The following LCN9 variants were observed in gnomAD, a reference collection of about 807,000 sequenced individuals.
The protein encoded by LCN9 is epididymal-specific lipocalin-9.
In LCN9, 22 loss-of-function variants were observed where a neutral mutation model predicts 18.5. The observed-to-expected ratio is 1.19, with a 90% CI of 0.85 to 1.70. The LOEUF is 1.70. LCN9 is among the 40% of genes most tolerant of loss of function. LCN9 has a pLI of 0.00. For synonymous variants in LCN9, 89 were observed against 83.0 expected (o/e 1.07, Z -0.39); for missense variants, 202 against 201.3 (o/e 1.00, Z -0.02).
At position 135,664,526 on chromosome 9, in the gene LCN9, C is replaced by T. The variant is rs1225625122; in HGVS notation, c.234-196C>T. Among the ~76,000 whole-genome samples, 1 of 152,028 alleles carries T rather than the reference C, an allele frequency of 6.6e-6. No individual in the cohort carries two copies. Among genetic ancestry groups the T allele is most frequent in the Non-Finnish European group, 1.5e-5 (1 of 67,998 alleles). On this transcript the variant is annotated intron_variant, in intron 2 of 5. Coordinates refer to ENST00000619315, the Ensembl canonical transcript of LCN9. The surrounding 1 kb of genome is among the most constrained non-coding windows in gnomAD (Gnocchi z 4.5). ...ACATAGAGATGAAATCGCCCCCTTC[C>T]AAGGCTGGGGTGAGGTTCGAGGAGA...
At position 135,664,326 on chromosome 9, in the gene LCN9, C is replaced by A. The variant is rs755446871; in HGVS notation, c.233+28C>A. 4 of 1,613,102 alleles carry A rather than the reference C, an allele frequency of 2.5e-6. No homozygotes were observed. Among genetic ancestry groups the A allele is most frequent in the South Asian group, 1.1e-5 (1 of 91,060 alleles). ...GCGTGTTGCCCATCTCAGCTGGCATCAGGAAGACCCATGCCCCTGCCACCC... is the reference window on the plus strand; with the variant it reads ...GCGTGTTGCCCATCTCAGCTGGCATAAGGAAGACCCATGCCCCTGCCACCC... On this transcript the variant is annotated intron_variant, in intron 2 of 5. Transcript: ENST00000619315. The surrounding 1 kb of genome is among the most constrained non-coding windows in gnomAD (Gnocchi z 4.5).
chr9:135,665,473 T>C lies in LCN9; in HGVS notation c.418+118T>C. ...CTGGGGTTTGGAGAGGTGGTTCCCG[T>C]TGGCTATTCCTTCCCACAGACACAC... On this transcript the variant is annotated intron_variant, in intron 4 of 5. Transcript: ENST00000619315. This position sits in a 1 kb window ranked among gnomAD's most constrained non-coding sequence, Gnocchi z 5.9. 3 of 910,056 alleles carry C rather than the reference T, an allele frequency of 3.3e-6. No homozygotes were observed. The highest frequency in any genetic ancestry group is 1.7e-6 in the Non-Finnish European group (1 of 579,634). 56.4% of individuals were successfully genotyped at this position (910,056 alleles called of 1,614,324 possible).
At chr9:135,663,611 G>A (rs1025452471) in intron 1 of LCN9, among the ~76,000 whole-genome samples, 194 bp downstream of exon 1, 14 of 151,964 alleles carry the variant, frequency 9.2e-5, no homozygotes, top group Non-Finnish European at 1.9e-4. Context: ...CTGGGAGAGT[G>A]ACTGGGGCCC....
rs1303836992 is a variant in LCN9 at position 135,665,754 on chromosome 9, T to A, written c.*9+2T>A. The A allele has an allele frequency of 1.2e-6, 2 of 1,613,332 alleles. No homozygotes were observed. The highest frequency in any genetic ancestry group is 1.7e-5 in the Admixed American group (1 of 59,918). On this transcript the variant is annotated splice_donor_variant, in intron 5 of 5. Transcript: ENST00000619315. LOFTEE classifies it low-confidence loss of function (3UTR_SPLICE). This position sits in a 1 kb window ranked among gnomAD's most constrained non-coding sequence, Gnocchi z 5.9. ...ATATCATCGACTTGACCAACAAAGG[T>A]CAGCCCCACTGCTCCCGGACCAAGC...
At chr9:135,666,377 A>C in exon 6 of LCN9, 1 of 481,044 alleles carries the variant, frequency 2.1e-6, no homozygotes, top group Non-Finnish European at 3.7e-6. Flanking sequence ...TCTTCTAAGG[A>C]CACTTGTCAT....
chr9:135,665,233 G>A lies in LCN9; in HGVS notation c.308-12G>A, dbSNP rs1170206246. ...GCGGGGCCAGGCCACGCTGAGCCAT[G>A]TCTCCACGCAGATGAGGGCCAGAAC... On this transcript the variant is annotated splice_polypyrimidine_tract_variant and intron_variant, in intron 3 of 5. Transcript: ENST00000619315. This position sits in a 1 kb window ranked among gnomAD's most constrained non-coding sequence, Gnocchi z 5.9. The A allele has an allele frequency of 1.9e-6, 3 of 1,561,344 alleles. No homozygotes were observed. Among genetic ancestry groups the A allele is most frequent in the Non-Finnish European group, 2.6e-6 (3 of 1,146,900 alleles).
rs1834185160 is a variant in LCN9, at chr9:135,664,594, T to C, written c.234-128T>C. On this transcript the variant is annotated intron_variant, in intron 2 of 5. Transcript: ENST00000619315. This position sits in a 1 kb window ranked among gnomAD's most constrained non-coding sequence, Gnocchi z 4.5. ...CTGCAGCAGGGCCCAGCCCAAGAAC[T>C]TGGGGCTGTGGAATGAGGCCTGGGC... The C allele has an allele frequency of 1.1e-6, 1 of 889,544 alleles. No homozygotes were observed. Among genetic ancestry groups the C allele is most frequent in the Non-Finnish European group, 1.7e-6 (1 of 592,146 alleles). 55.1% of individuals were successfully genotyped at this position (889,544 alleles called of 1,614,324 possible). A position where few individuals can be genotyped will look rare whatever the true frequency, so the allele number is the denominator to read the frequency against.
In LCN9 at chr9:135,665,552, G is replaced by A. The variant is rs1417713534; in HGVS notation, c.419-136G>A. On this transcript the variant is annotated intron_variant, in intron 4 of 5. Transcript: ENST00000619315. The surrounding 1 kb of genome is among the most constrained non-coding windows in gnomAD (Gnocchi z 5.9). ...CACCTCCCATCTCACTTGGCACAAA[G>A]CCCCTCTCTGGTCAGGGCGTGACCC... 31 of 904,856 alleles carry A rather than the reference G, an allele frequency of 3.4e-5. No homozygotes were observed. Among genetic ancestry groups the A allele is most frequent in the Non-Finnish European group, 4.8e-5 (28 of 582,078 alleles). 56.1% of individuals were successfully genotyped at this position (904,856 alleles called of 1,614,324 possible).
rs923998251 is a variant in LCN9, at chr9:135,664,164, T to C, written c.99T>C (p.Val33=). The change falls in exon 2 of 6, where the codon GTT becomes GTC. Residue 33 remains valine, a splice_region_variant and synonymous_variant. Transcript: ENST00000619315. The surrounding 1 kb of genome is among the most constrained non-coding windows in gnomAD (Gnocchi z 4.5). ...CCACTGGAGCTCTTTGTCTTCAGGT[T>C]TCAGGGGTCTGGTATTCTATTTTCA... is the stretch of plus-strand genomic sequence containing the variant. 1 of 1,613,290 alleles carries C rather than the reference T, an allele frequency of 6.2e-7. No homozygotes were observed. Among genetic ancestry groups the C allele is most frequent in the African/African-American group, 1.3e-5 (1 of 74,824 alleles).
Position 135,665,268 on chromosome 9 carries a change from G to A in LCN9, c.331G>A (p.Val111Ile), listed in dbSNP as rs148957462. 301 of 1,600,620 alleles carry A rather than the reference G, an allele frequency of 1.9e-4. 1 individual carries two copies. The highest frequency in any genetic ancestry group is 1.7e-3 in the African/African-American group (127 of 74,732). Reference sequence around the variant, plus strand: ...AGATGAGGGCCAGAACACAGTGGCCGTCTCGGAGACTGACTACAGGCTGTT... The same window carrying A: ...AGATGAGGGCCAGAACACAGTGGCCATCTCGGAGACTGACTACAGGCTGTT... The change falls in exon 4 of 6, where the codon GTC becomes ATC. Residue 111 changes from valine (V) to isoleucine (I), a missense_variant. Val to Ile is a conservative substitution (Grantham distance 29, BLOSUM62 3). Transcript: ENST00000619315. The surrounding 1 kb of genome is among the most constrained non-coding windows in gnomAD (Gnocchi z 5.9).
At position 135,664,185 on chromosome 9, in the gene LCN9, T is replaced by G. The variant is rs537080356; in HGVS notation, c.120T>G (p.Ile40Met). 1.3e-5 allele frequency: 21 copies of G among 1,613,778 alleles called. No individual in the cohort carries two copies. The Admixed American group carries it at 3.2e-4, about 24-fold the overall frequency. Reference sequence around the variant, plus strand: ...AGGTTTCAGGGGTCTGGTATTCTATTTTCATGGCCTCAGATGACCTGAATC... The same window carrying G: ...AGGTTTCAGGGGTCTGGTATTCTATGTTCATGGCCTCAGATGACCTGAATC... The change falls in exon 2 of 6, where the codon ATT (isoleucine) becomes ATG (methionine). Residue 40 changes from isoleucine (I) to methionine (M), a missense_variant. Ile to Met is a conservative substitution (Grantham distance 10, BLOSUM62 1). Coordinates refer to ENST00000619315, the Ensembl canonical transcript of LCN9. The surrounding 1 kb of genome is among the most constrained non-coding windows in gnomAD (Gnocchi z 4.5).
chr9:135,663,553 C>G (rs1834155368), intron 1 of LCN9, 136 bp downstream of exon 1: 2 of 630,862 alleles, frequency 3.2e-6, no homozygotes, highest in Non-Finnish European at 5.8e-6. Flanking sequence ...GCTGTGACAG[C>G]AGCCTGGGAG....
chr9:135,665,382 C>T lies in LCN9; in HGVS notation c.418+27C>T. ...TACCTCCGCTGTCCCCCTCTGACCC[C>T]CTCGGGGACCCCACCTCCTCTGAAG... On this transcript the variant is annotated intron_variant, in intron 4 of 5. Transcript: ENST00000619315. This position sits in a 1 kb window ranked among gnomAD's most constrained non-coding sequence, Gnocchi z 5.9. 6 of 1,529,778 alleles carry T rather than the reference C, an allele frequency of 3.9e-6. No homozygotes were observed. Among genetic ancestry groups the T allele is most frequent in the South Asian group, 1.2e-5 (1 of 84,190 alleles). The allele number at this position is 1,529,778 out of a possible 1,614,324, so 94.8% of individuals were successfully genotyped here.
At chr9:135,663,739 C>T (rs1834158520) in intron 1 of LCN9, among the ~76,000 whole-genome samples, 2 of 145,660 alleles carry the variant, frequency 1.4e-5, no homozygotes, top group Non-Finnish European at 3.0e-5. Context: ...ATAGGGGAGA[C>T]CTAGGGAAAA....
rs1834184413 is a variant in LCN9 at position 135,664,528 on chromosome 9, A to T, written c.234-194A>T. Among the ~76,000 whole-genome samples, 1 of 151,708 alleles carries T rather than the reference A, an allele frequency of 6.6e-6. No homozygotes were observed. Among genetic ancestry groups the T allele is most frequent in the African/African-American group, 2.4e-5 (1 of 41,306 alleles). On this transcript the variant is annotated intron_variant, in intron 2 of 5. Coordinates refer to ENST00000619315, the Ensembl canonical transcript of LCN9. This position sits in a 1 kb window ranked among gnomAD's most constrained non-coding sequence, Gnocchi z 4.5. The stretch of plus-strand genomic sequence containing the variant: ...ATAGAGATGAAATCGCCCCCTTCCA[A>T]GGCTGGGGTGAGGTTCGAGGAGATG...
Position 135,664,852 on chromosome 9 carries a change from G to C in LCN9, c.307+57G>C, listed in dbSNP as rs1834189905. On this transcript the variant is annotated intron_variant, in intron 3 of 5. Coordinates refer to ENST00000619315, the Ensembl canonical transcript of LCN9. This position sits in a 1 kb window ranked among gnomAD's most constrained non-coding sequence, Gnocchi z 4.5. ...CAGTCGGGGGTCTCCTTTCTCCAGG[G>C]CCTGGGCCATATTCTGGTGAGCACT... 1.5e-5 allele frequency: 22 copies of C among 1,509,542 alleles called. No individual in the cohort carries two copies. The highest frequency in any genetic ancestry group is 2.0e-5 in the Non-Finnish European group (22 of 1,112,104). The allele number at this position is 1,509,542 out of a possible 1,614,324, so 93.5% of individuals were successfully genotyped here.
In LCN9 at chr9:135,664,377, C is replaced by T. The variant is rs1386415199; in HGVS notation, c.233+79C>T. On this transcript the variant is annotated intron_variant, in intron 2 of 5. Transcript: ENST00000619315. This position sits in a 1 kb window ranked among gnomAD's most constrained non-coding sequence, Gnocchi z 4.5. Reference sequence around the variant, plus strand: ...CAACGCATACTCTCACTCTTGCACACACACGCTCGCACACTCACTGACTTG... The same window carrying T: ...CAACGCATACTCTCACTCTTGCACATACACGCTCGCACACTCACTGACTTG... 3.3e-6 allele frequency: 5 copies of T among 1,519,098 alleles called. No homozygotes were observed. Among genetic ancestry groups the T allele is most frequent in the Non-Finnish European group, 4.5e-6 (5 of 1,104,730 alleles). 94.1% of individuals were successfully genotyped at this position (1,519,098 alleles called of 1,614,324 possible). A position where few individuals can be genotyped will look rare whatever the true frequency, so the allele number is the denominator to read the frequency against.
rs1293749902 is a variant in LCN9, at chr9:135,664,616, G to A, written c.234-106G>A. Reference sequence around the variant, plus strand: ...AACTTGGGGCTGTGGAATGAGGCCTGGGCATTGGGAGGGTGAGCCTGTGCC... The same window carrying A: ...AACTTGGGGCTGTGGAATGAGGCCTAGGCATTGGGAGGGTGAGCCTGTGCC... On this transcript the variant is annotated intron_variant, in intron 2 of 5. Coordinates refer to ENST00000619315, the Ensembl canonical transcript of LCN9. The surrounding 1 kb of genome is among the most constrained non-coding windows in gnomAD (Gnocchi z 4.5). The A allele has an allele frequency of 4.8e-6, 5 of 1,033,486 alleles. No individual in the cohort carries two copies. The East Asian group carries it at 7.9e-5, about 16-fold the overall frequency. The allele number at this position is 1,033,486 out of a possible 1,614,324, so 64.0% of individuals were successfully genotyped here. A position where few individuals can be genotyped will look rare whatever the true frequency, so the allele number is the denominator to read the frequency against.
Position 135,664,798 on chromosome 9 carries a change from A to G in LCN9, c.307+3A>G. The G allele has an allele frequency of 3.2e-6, 5 of 1,579,504 alleles. No individual in the cohort carries two copies. Among genetic ancestry groups the G allele is most frequent in the African/African-American group, 1.3e-5 (1 of 74,216 alleles). On this transcript the variant is annotated splice_donor_region_variant and intron_variant, in intron 3 of 5. Coordinates refer to ENST00000619315, the Ensembl canonical transcript of LCN9. This position sits in a 1 kb window ranked among gnomAD's most constrained non-coding sequence, Gnocchi z 4.5. ...GAATGGGGAATACTCCATCAACTGT[A>G]AGTGGAAGCCAGGCTCCTCCTGGTC...
Sources: gnomAD v4.1 joint callset for allele counts (sites outside exome capture counted in the v4.1 genomes callset) on GRCh38, gnomAD v4.1.1 for gene constraint, Gnocchi (gnomAD v3.1) non-coding constraint, MANE v1.5 for transcripts, NCBI Gene and HGNC (gene_info 2026-07-23, HGNC 2026-07-21) for gene names.